Variants in WDR17 observed in about 807,000 individuals in gnomAD.
WDR17 encodes WD repeat domain 17.
In WDR17, 143 loss-of-function variants were observed where a neutral mutation model predicts 161.7. The observed-to-expected ratio is 0.88, with a 90% CI of 0.77 to 1.02. The LOEUF (loss-of-function observed/expected upper bound fraction) is 1.02, where lower values mean the gene tolerates loss of function less well. Ranked by LOEUF, WDR17 falls within the 50% of genes least tolerant of loss-of-function variation. WDR17 has a pLI of 0.00. For synonymous variants in WDR17, 517 were observed against 515.6 expected (o/e 1.00, Z -0.04); for missense variants, 1,469 against 1,520.9 (o/e 0.97, Z 0.57).
intron 3 of WDR17, among the ~76,000 whole-genome samples, chr4:176,119,043 T>C (rs555972705): frequency 1.3e-5 from 2 of 152,212 alleles, no homozygotes; most frequent in East Asian, 1.9e-4. Flanking sequence ...TTATATTCCA[T>C]TTCATGATTT....
chr4:176,177,057 G>T lies in WDR17; in HGVS notation c.3450-1G>T. 6.2e-7 allele frequency: 1 copy of T among 1,612,134 alleles called. No homozygotes were observed. Among genetic ancestry groups the T allele is most frequent in the Non-Finnish European group, 8.5e-7 (1 of 1,178,546 alleles). The stretch of plus-strand genomic sequence containing the variant: ...TGTTAATTTCCTTTTCACACGTTCA[G>T]TCAGCTATTAAAACGTCGGGAGGTG... On this transcript the variant is annotated splice_acceptor_variant, in intron 26 of 28. Transcript: ENST00000508596. LOFTEE classifies it high-confidence loss of function.
chr4:176,144,358 C>T (rs1352724798), intron 11 of WDR17, among the ~76,000 whole-genome samples: 1 of 152,124 alleles, frequency 6.6e-6, no homozygotes, highest in Non-Finnish European at 1.5e-5. Context: ...ATGAGATCGC[C>T]AACTACGTTA....
chr4:176,069,321 T>C (rs1316852346), intron 1 of WDR17, among the ~76,000 whole-genome samples: 4 of 152,042 alleles, frequency 2.6e-5, no homozygotes, highest in Non-Finnish European at 5.9e-5. Flanking sequence ...TATTGTTCAG[T>C]AAGCTGTCTT....
chr4:176,155,560 TTGGAGACGAA>T, intron 17 of WDR17, among the ~76,000 whole-genome samples: 1 of 145,714 alleles, frequency 6.9e-6, no homozygotes, highest in Non-Finnish European at 1.5e-5. Context: ...TTTTTTTTTT[TTGGAGACGAA>T]GTCTTGCTCT....
chr4:176,122,976 T>C (rs528505300), intron 4 of WDR17, among the ~76,000 whole-genome samples: 6 of 152,330 alleles, frequency 3.9e-5, no homozygotes, highest in South Asian at 2.1e-4. Context: ...TGTTATCCTG[T>C]ATTATTTACT....
At chr4:176,118,568 C>A (rs1460888633) in intron 3 of WDR17, among the ~76,000 whole-genome samples, 2 of 152,116 alleles carry the variant, frequency 1.3e-5, no homozygotes, top group African/African-American at 4.8e-5. Context: ...ACTAAACTTA[C>A]TGTCAATCAG....
At chr4:176,117,802 T>C (rs1396211900) in intron 3 of WDR17, among the ~76,000 whole-genome samples, 1 of 152,148 alleles carries the variant, frequency 6.6e-6, no homozygotes, top group Admixed American at 6.5e-5. Context: ...TCTTCTTAAT[T>C]TGAAGATTGA....
At chr4:176,085,658 A>C (rs1735332582) in intron 1 of WDR17, among the ~76,000 whole-genome samples, 2 of 151,910 alleles carry the variant, frequency 1.3e-5, no homozygotes, top group African/African-American at 4.8e-5. Flanking sequence ...TTTATTCCTG[A>C]TAAGGATCTG....
intron 4 of WDR17, among the ~76,000 whole-genome samples, chr4:176,124,167 T>C (rs752100044): frequency 2.0e-5 from 3 of 152,350 alleles, no homozygotes; most frequent in Non-Finnish European, 4.4e-5. Context: ...ACACTTCCTT[T>C]ACGATACTTA....
rs1751965597 is a variant in WDR17 at position 176,179,751 on chromosome 4, A to G, written c.*172A>G. 9.6e-6 allele frequency: 3 copies of G among 312,682 alleles called. No homozygotes were observed. The highest frequency in any genetic ancestry group is 2.9e-4 in the South Asian group (2 of 6,880). 19.4% of individuals were successfully genotyped at this position (312,682 alleles called of 1,614,324 possible). A position where few individuals can be genotyped will look rare whatever the true frequency, so the allele number is the denominator to read the frequency against. On this transcript the variant is annotated 3_prime_UTR_variant, in exon 29 of 29. Coordinates refer to ENST00000508596, the MANE Select transcript of WDR17 (RefSeq NM_181265.4). ...CATTAACTTCAAAATATATATATAT[A>G]TATAATTTAAAGGAAAAATAGGTGC...
At chr4:176,089,336 A>G (rs1202173506) in intron 1 of WDR17, among the ~76,000 whole-genome samples, 1 of 152,174 alleles carries the variant, frequency 6.6e-6, no homozygotes, top group Non-Finnish European at 1.5e-5. Flanking sequence ...TATAAATGGA[A>G]TCATGCAATA....
At chr4:176,127,821 A>G (rs1413802681) in intron 5 of WDR17, among the ~76,000 whole-genome samples, 2 of 152,136 alleles carry the variant, frequency 1.3e-5, no homozygotes, top group Non-Finnish European at 2.9e-5. Flanking sequence ...GGATACACAC[A>G]TGTGCAAGCA....
At chr4:176,154,420 G>T (rs1475284466) in intron 17 of WDR17, among the ~76,000 whole-genome samples, 5 of 152,164 alleles carry the variant, frequency 3.3e-5, no homozygotes, top group Non-Finnish European at 7.3e-5. Flanking sequence ...GGCGGAGGTT[G>T]CAGTGAGCCA....
chr4:176,133,509 C>A (rs146029398), intron 7 of WDR17, among the ~76,000 whole-genome samples: 1 of 149,668 alleles, frequency 6.7e-6, no homozygotes, highest in Non-Finnish European at 1.5e-5. Flanking sequence ...ATTTATAATT[C>A]TAATAAATGC....
In WDR17 at chr4:176,180,803, A is replaced by G. The variant is rs1752083345; in HGVS notation, c.*1224A>G. 1 of 152,208 alleles carries G rather than the reference A, an allele frequency of 6.6e-6. No individual in the cohort carries two copies. Among genetic ancestry groups the G allele is most frequent in the Non-Finnish European group, 1.5e-5 (1 of 68,034 alleles). 9.4% of individuals were successfully genotyped at this position (152,208 alleles called of 1,614,324 possible). The stretch of plus-strand genomic sequence containing the variant: ...AGATATTGGTTGAATTTTTGGATAT[A>G]TTATGTTGATTTAACTTTTAAAATG... On this transcript the variant is annotated 3_prime_UTR_variant, in exon 29 of 29. Coordinates refer to ENST00000508596, the MANE Select transcript of WDR17 (RefSeq NM_181265.4).
At chr4:176,110,060 A>C (rs35869957) in intron 1 of WDR17, among the ~76,000 whole-genome samples, 32,257 of 152,146 alleles carry the variant, frequency 0.21, 3,620 homozygotes, top group South Asian at 0.27. Flanking sequence ...TGAAAAATTG[A>C]ATTTACCTGG....
At chr4:176,087,767 A>T (rs184268820) in intron 1 of WDR17, among the ~76,000 whole-genome samples, 1 of 152,278 alleles carries the variant, frequency 6.6e-6, no homozygotes, top group South Asian at 2.1e-4. Flanking sequence ...TCAACTAATA[A>T]ACTCATCCAT....
At chr4:176,095,284 C>T (rs997123706) in intron 1 of WDR17, among the ~76,000 whole-genome samples, 1 of 152,068 alleles carries the variant, frequency 6.6e-6, no homozygotes, top group African/African-American at 2.4e-5. Context: ...AAGAGCAGGG[C>T]AGAATAGCCA....
At chr4:176,099,256 A>G (rs1441607990) in intron 1 of WDR17, among the ~76,000 whole-genome samples, 1 of 152,106 alleles carries the variant, frequency 6.6e-6, no homozygotes, top group Non-Finnish European at 1.5e-5. Context: ...AAAATTATTG[A>G]GATAGAAATG....
Sources: allele counts gnomAD v4.1 joint callset (sites outside exome capture counted in the v4.1 genomes callset), GRCh38; gene constraint gnomAD v4.1.1; transcripts MANE v1.5; gene names NCBI Gene and HGNC (gene_info 2026-07-23, HGNC 2026-07-21).